Variants in PLCB4 observed in about 807,000 individuals in gnomAD.
PLCB4 encodes the protein phospholipase C beta 4, also known as 1-phosphatidylinositol 4,5-bisphosphate phosphodiesterase beta-4.
A neutral mutation model predicts 178.8 loss-of-function variants in PLCB4; 77 were observed. The ratio of observed to expected loss-of-function variants is 0.43; its 90% CI spans 0.36 to 0.52. The LOEUF (loss-of-function observed/expected upper bound fraction) is 0.52, where lower values mean the gene tolerates loss of function less well. Among genes scored for constraint, PLCB4 ranks in the 20% least tolerant of loss-of-function variants. The pLI, the probability that PLCB4 is intolerant of heterozygous loss-of-function variation, is 0.00. For missense variants in PLCB4, 1,024 were observed against 1,453.4 expected (o/e 0.70, Z 4.80); for synonymous variants, 496 against 490.8 (o/e 1.01, Z -0.14).
chr20:9,459,689 C>T lies in PLCB4; in HGVS notation c.3127C>T (p.His1043Tyr). 6.2e-7 allele frequency: 1 copy of T among 1,613,042 alleles called. No individual in the cohort carries two copies. The highest frequency in any genetic ancestry group is 8.5e-7 in the Non-Finnish European group (1 of 1,179,112). Reference sequence around the variant, plus strand: ...GGAATGGTCAGAAATGATCAATACCCACAGTGCTGAGGAGCAAGAAATCCG... The same window carrying T: ...GGAATGGTCAGAAATGATCAATACCTACAGTGCTGAGGAGCAAGAAATCCG... Reference protein sequence around the residue: ...TKEWSEMINTHSAEEQEIRDL... With the variant: ...TKEWSEMINTYSAEEQEIRDL... Residue 1043 changes from histidine to tyrosine, a missense_variant, in exon 35 of 40, where the codon CAC becomes TAC. By Grantham distance (83) the His-to-Tyr change is moderately conservative. Transcript: ENST00000378473.
intron 2 of PLCB4, among the ~76,000 whole-genome samples, chr20:9,106,607 T>C (rs2091375305): frequency 6.6e-6 from 1 of 152,022 alleles, no homozygotes; most frequent in South Asian, 2.1e-4. Flanking sequence ...GTGCGTTAAA[T>C]ATTTCTAAAT....
At chr20:9,434,462 G>A (rs779262238) in intron 28 of PLCB4, among the ~76,000 whole-genome samples, 2 of 151,974 alleles carry the variant, frequency 1.3e-5, no homozygotes, top group Non-Finnish European at 2.9e-5. Context: ...TGCAACCTCC[G>A]CCTCCTGGGT....
chr20:9,176,070 A>G (rs1477616160), intron 2 of PLCB4, among the ~76,000 whole-genome samples: 1 of 152,062 alleles, frequency 6.6e-6, no homozygotes, highest in African/African-American at 2.4e-5. Context: ...TGTCACTTTT[A>G]GATTCTTTTT....
chr20:9,242,863 C>A (rs563537927), intron 3 of PLCB4, among the ~76,000 whole-genome samples: 52 of 152,222 alleles, frequency 3.4e-4, no homozygotes, highest in African/African-American at 1.2e-3. Flanking sequence ...GAGTTAACAG[C>A]CCTCCCCAGG....
At chr20:9,223,931 T>G (rs2093831158) in intron 3 of PLCB4, among the ~76,000 whole-genome samples, 1 of 152,208 alleles carries the variant, frequency 6.6e-6, no homozygotes, top group African/African-American at 2.4e-5. Context: ...GACAAAAGGA[T>G]GCTTCTGGAT....
intron 7 of PLCB4, among the ~76,000 whole-genome samples, chr20:9,361,400 T>A (rs2035314393): frequency 6.6e-6 from 1 of 152,194 alleles, no homozygotes; most frequent in Admixed American, 6.5e-5. Flanking sequence ...TCTGTATGGT[T>A]CCATTTATAT....
intron 28 of PLCB4, among the ~76,000 whole-genome samples, chr20:9,424,662 A>T (rs1184188213): frequency 6.6e-6 from 1 of 152,140 alleles, no homozygotes; most frequent in Non-Finnish European, 1.5e-5. Flanking sequence ...AGAGGATGTA[A>T]CCTCTCAAAC....
intron 2 of PLCB4, among the ~76,000 whole-genome samples, chr20:9,154,859 T>C (rs112775751): frequency 0.2 from 23,431 of 117,286 alleles, 2,420 homozygotes; most frequent in African/African-American, 0.25. Flanking sequence ...TCCCTCCCTC[T>C]CTCCCTCCCT....
chr20:9,211,852 G>A (rs2093676687), intron 2 of PLCB4, among the ~76,000 whole-genome samples: 1 of 152,200 alleles, frequency 6.6e-6, no homozygotes, highest in Non-Finnish European at 1.5e-5. Context: ...TGTATTTTAA[G>A]ATGGTACATG....
chr20:9,137,666 AT>A (rs1316444228), intron 2 of PLCB4, among the ~76,000 whole-genome samples: 1 of 152,008 alleles, frequency 6.6e-6, no homozygotes, highest in East Asian at 1.9e-4. Flanking sequence ...ATGTGTGCTA[AT>A]TTTAGATAAG....
intron 7 of PLCB4, among the ~76,000 whole-genome samples, chr20:9,352,787 G>A (rs942280575): frequency 1.3e-5 from 2 of 152,040 alleles, no homozygotes; most frequent in African/African-American, 4.8e-5. Flanking sequence ...AGAATCATAT[G>A]ATTTAATTTT....
chr20:9,086,272 T>C (rs527983508), intron 1 of PLCB4, among the ~76,000 whole-genome samples: 2 of 152,228 alleles, frequency 1.3e-5, no homozygotes, highest in African/African-American at 4.8e-5. Context: ...ATAAAGTTAC[T>C]TGCAACTACA....
intron 4 of PLCB4, among the ~76,000 whole-genome samples, chr20:9,313,983 C>T (rs79514307): frequency 0.029 from 4,377 of 152,202 alleles, 210 homozygotes; most frequent in African/African-American, 0.099. Context: ...TGAGGAGGCC[C>T]GTTTCAGGCT....
chr20:9,080,111 C>T (rs2146509813), intron 1 of PLCB4, among the ~76,000 whole-genome samples: 1 of 152,182 alleles, frequency 6.6e-6, no homozygotes, highest in South Asian at 2.1e-4. Context: ...AATTTTCCTT[C>T]AAGGAAGTCA....
chr20:9,080,742 A>G (rs893295045), intron 1 of PLCB4, among the ~76,000 whole-genome samples: 4 of 151,822 alleles, frequency 2.6e-5, no homozygotes, highest in African/African-American at 9.7e-5. Flanking sequence ...TTTACTGAAG[A>G]CTCCCCTATC....
intron 2 of PLCB4, among the ~76,000 whole-genome samples, chr20:9,151,866 G>C (rs962528470): frequency 2.0e-5 from 3 of 152,142 alleles, no homozygotes; most frequent in African/African-American, 7.2e-5. Context: ...GAGACTTGTT[G>C]AATGGCTTTG....
rs2042232962 is a variant in PLCB4 at position 9,443,550 on chromosome 20, G to T, written c.2765-431G>T. 2.0e-5 allele frequency among the ~76,000 whole-genome samples: 3 copies of T among 152,152 alleles called. No homozygotes were observed. The South Asian group carries it at 6.2e-4, about 32-fold the overall frequency. On this transcript the variant is annotated intron_variant, in intron 30 of 39. Coordinates refer to ENST00000378473, the MANE Select transcript of PLCB4 (RefSeq NM_001377142.1). ...GTAGCACTCAGCTGATTGATCCAGG[G>T]TTACAAATGCCCAGCCTCTTTTTGC...
At chr20:9,211,994 C>G (rs1480639868) in intron 2 of PLCB4, among the ~76,000 whole-genome samples, 5 of 152,222 alleles carry the variant, frequency 3.3e-5, no homozygotes, top group Non-Finnish European at 5.9e-5. Context: ...GTCTTCCCCA[C>G]TGTACATTCA....
At chr20:9,161,422 C>G (rs1308134676) in intron 2 of PLCB4, among the ~76,000 whole-genome samples, 1 of 152,182 alleles carries the variant, frequency 6.6e-6, no homozygotes, top group East Asian at 1.9e-4. Flanking sequence ...GAGAGGTTAA[C>G]TTGTCCAAAA....
Sources: gnomAD v4.1 joint callset for allele counts (sites outside exome capture counted in the v4.1 genomes callset) on GRCh38, gnomAD v4.1.1 for gene constraint, MANE v1.5 for transcripts, NCBI Gene and HGNC (gene_info 2026-07-23, HGNC 2026-07-21) for gene names.